The following TAF4B variants were observed in gnomAD, a reference collection of about 807,000 sequenced individuals.
TAF4B encodes TATA-box binding protein associated factor 4b.
TAF4B carries 38 observed loss-of-function variants against 86.4 expected under a neutral mutation model. The ratio of observed to expected loss-of-function variants is 0.44; its 90% CI spans 0.34 to 0.58. The LOEUF is 0.58. Ranked by LOEUF, TAF4B falls within the 20% of genes least tolerant of loss-of-function variation. The pLI, the probability that TAF4B is intolerant of heterozygous loss-of-function variation, is 0.02. For missense variants in TAF4B, 988 were observed against 1,027.6 expected, an observed-to-expected ratio of 0.96 and a Z score of 0.53; for synonymous variants, 388 against 391.2, an observed-to-expected ratio of 0.99 and a Z score of 0.10.
chr18:26,292,629 C>G (rs2056607206), intron 8 of TAF4B, among the ~76,000 whole-genome samples: 1 of 152,178 alleles, frequency 6.6e-6, no homozygotes, highest in African/African-American at 2.4e-5. Flanking sequence ...TTAAGCAATT[C>G]TCATGTTCTC....
intron 1 of TAF4B, among the ~76,000 whole-genome samples, chr18:26,256,685 C>T (rs762245179): frequency 1.7e-4 from 26 of 152,104 alleles, no homozygotes; most frequent in Non-Finnish European, 3.2e-4. Context: ...AGTTGCATCA[C>T]ATAGATTTTG....
chr18:26,272,676 A>G (rs2056335674), intron 3 of TAF4B, among the ~76,000 whole-genome samples: 1 of 152,172 alleles, frequency 6.6e-6, no homozygotes, highest in Non-Finnish European at 1.5e-5. Context: ...CCACCAGCTA[A>G]AATTCCAGAT....
In TAF4B at chr18:26,274,735, C is replaced by G. The variant is rs1422000015; in HGVS notation, c.670C>G (p.Pro224Ala). 1.9e-6 allele frequency: 3 copies of G among 1,614,166 alleles called. No homozygotes were observed. Among genetic ancestry groups the G allele is most frequent in the Non-Finnish European group, 2.5e-6 (3 of 1,180,020 alleles). Residue 224 changes from proline to alanine, a missense_variant, in exon 4 of 15, where the codon CCT becomes GCT. Around this residue, in one of 3 missense-constraint regions of TAF4B, gnomAD observed 747 missense variants for 737.9 expected, o/e 1.01. Transcript: ENST00000269142. Reference protein sequence around the residue: ...KPLNTVTTLKPSSLGASSTPS... With the variant: ...KPLNTVTTLKASSLGASSTPS... ...ATTGAATACTGTAACTACCCTGAAGCCTTCAAGTTTGGGAGCATCATCCAC... is the reference window on the plus strand; with the variant it reads ...ATTGAATACTGTAACTACCCTGAAGGCTTCAAGTTTGGGAGCATCATCCAC...
chr18:26,388,013 G>A (rs1264066044), intron 14 of TAF4B, among the ~76,000 whole-genome samples: 3 of 152,142 alleles, frequency 2.0e-5, no homozygotes, highest in African/African-American at 7.2e-5. Context: ...AAGGTGGAAG[G>A]AGTAATTAAA....
chr18:26,285,222 G>GTTTTTTTTTTTTTGTTTTTTTTTTTTTTT lies in TAF4B; in HGVS notation c.973-647_973-646insGTTTTTTTTTTTTTTTTTTTTTTTTTTTT, dbSNP rs1555677502. Among the ~76,000 whole-genome samples, 2 of 45,660 alleles carry GTTTTTTTTTTTTTGTTTTTTTTTTTTTTT rather than the reference G, an allele frequency of 4.4e-5. 1 individual carries two copies. The highest frequency in any genetic ancestry group is 2.2e-3 in the East Asian group (2 of 914). The allele number at this position is 45,660 out of a possible 152,430, so 30.0% of individuals were successfully genotyped here. A position where few individuals can be genotyped will look rare whatever the true frequency, so the allele number is the denominator to read the frequency against. On this transcript the variant is annotated intron_variant, in intron 6 of 14. Coordinates refer to ENST00000269142, the MANE Select transcript of TAF4B (RefSeq NM_005640.3). ...ATTTCTTCCTTTCCTTTTTTTTTTT[G>GTTTTTTTTTTTTTGTTTTTTTTTTTTTTT]TTTTTTTTTTTTTTGGAGATGGGGT...
At chr18:26,272,055 C>T (rs1318519496) in intron 3 of TAF4B, among the ~76,000 whole-genome samples, 1 of 151,848 alleles carries the variant, frequency 6.6e-6, no homozygotes, top group South Asian at 2.1e-4. Flanking sequence ...AATTGAATCT[C>T]GGGTCACCAC....
At chr18:26,389,723 C>T (rs1175889521) in intron 14 of TAF4B, 122 bp from the exon 15 acceptor site, 1 of 1,002,592 alleles carries the variant, frequency 1.0e-6, no homozygotes, top group African/African-American at 1.6e-5. Flanking sequence ...TTCATCATTA[C>T]ATTATCTCCA....
chr18:26,360,455 T>C (rs1264857338), intron 14 of TAF4B, among the ~76,000 whole-genome samples: 1 of 152,238 alleles, frequency 6.6e-6, no homozygotes, highest in East Asian at 1.9e-4. Flanking sequence ...TGGGCTTTAT[T>C]CATCTAAAAG....
At chr18:26,295,775 C>G (rs1329883261) in intron 9 of TAF4B, among the ~76,000 whole-genome samples, 1 of 152,034 alleles carries the variant, frequency 6.6e-6, no homozygotes, top group Admixed American at 6.6e-5. Flanking sequence ...AAATGTTGCC[C>G]CATTGTTGTC....
chr18:26,296,489 T>G (rs1555679148), intron 9 of TAF4B, among the ~76,000 whole-genome samples: 12 of 140,240 alleles, frequency 8.6e-5, no homozygotes, highest in Admixed American at 3.6e-4. Flanking sequence ...TGGGGTGGGG[T>G]GGGGAGGGGT....
intron 6 of TAF4B, among the ~76,000 whole-genome samples, chr18:26,285,222 G>GTTTTT (rs776976703): frequency 0.015 from 693 of 45,616 alleles, 33 homozygotes; most frequent in African/African-American, 0.04. Flanking sequence ...TTTTTTTTTT[G>GTTTTT]TTTTTTTTTT....
intron 6 of TAF4B, among the ~76,000 whole-genome samples, chr18:26,284,019 C>T (rs1168751674): frequency 6.6e-6 from 1 of 151,306 alleles, no homozygotes; most frequent in Non-Finnish European, 1.5e-5. Context: ...GTGCATTGCA[C>T]TGTAGCCTGG....
At chr18:26,365,509 G>T (rs1485527819) in intron 14 of TAF4B, among the ~76,000 whole-genome samples, 1 of 152,142 alleles carries the variant, frequency 6.6e-6, no homozygotes. Flanking sequence ...CTGGAGAGGG[G>T]TCTGTCCATG....
At chr18:26,347,513 A>G (rs1485115416) in intron 13 of TAF4B, among the ~76,000 whole-genome samples, 1 of 152,228 alleles carries the variant, frequency 6.6e-6, no homozygotes, top group African/African-American at 2.4e-5. Flanking sequence ...GAAGAAAGGA[A>G]CAATGAATAT....
chr18:26,261,633 C>G (rs2056169106), intron 1 of TAF4B, among the ~76,000 whole-genome samples: 2 of 152,208 alleles, frequency 1.3e-5, no homozygotes, highest in Admixed American at 6.5e-5. Flanking sequence ...CAACAATGCC[C>G]TAGAGCCTAA....
intron 12 of TAF4B, 23 bp downstream of exon 12, chr18:26,327,163 A>G (rs763357138): frequency 1.9e-6 from 3 of 1,605,544 alleles, no homozygotes; most frequent in South Asian, 1.1e-5. Flanking sequence ...GTGATTTATG[A>G]GTGAATGTGG....
intron 1 of TAF4B, among the ~76,000 whole-genome samples, chr18:26,256,521 A>G (rs1204417376): frequency 6.6e-6 from 1 of 151,528 alleles, no homozygotes; most frequent in Admixed American, 6.6e-5. Context: ...CCTGCTCTTA[A>G]TCTTTATTAT....
intron 9 of TAF4B, among the ~76,000 whole-genome samples, chr18:26,311,242 T>C (rs2056851263): frequency 6.6e-6 from 1 of 152,164 alleles, no homozygotes; most frequent in Non-Finnish European, 1.5e-5. Context: ...TTGTAGCAGT[T>C]GGACAAATGA....
intron 11 of TAF4B, among the ~76,000 whole-genome samples, chr18:26,322,917 G>A (rs1230107218): frequency 6.6e-6 from 1 of 151,742 alleles, no homozygotes; most frequent in Non-Finnish European, 1.5e-5. Context: ...CATTCCATAA[G>A]TTTTGGTATG....
Sources: allele counts gnomAD v4.1 joint callset (sites outside exome capture counted in the v4.1 genomes callset), GRCh38; gene constraint gnomAD v4.1.1; regional missense constraint gnomAD v4.1.1; transcripts MANE v1.5; gene names NCBI Gene and HGNC (gene_info 2026-07-23, HGNC 2026-07-21).